CDH13: variants seen among roughly 807,000 people sequenced by gnomAD.
CDH13 encodes cadherin-13.
Under a neutral mutation model 63.8 loss-of-function variants are expected in CDH13, and 24 were observed. That is an observed-to-expected ratio of 0.38 (90% CI 0.27 to 0.53). The LOEUF (loss-of-function observed/expected upper bound fraction) is 0.53, where lower values mean the gene tolerates loss of function less well. Among genes scored for constraint, CDH13 ranks in the 20% least tolerant of loss-of-function variants. The pLI, the probability that CDH13 is intolerant of heterozygous loss-of-function variation, is 0.85. For synonymous variants in CDH13, 503 were observed against 355.3 expected, an observed-to-expected ratio of 1.42 and a Z score of -4.67; for missense variants, 1,049 against 903.1, an observed-to-expected ratio of 1.16 and a Z score of -2.07.
At chr16:83,129,562 G>C (rs114370051) in intron 4 of CDH13, among the ~76,000 whole-genome samples, 2 of 152,300 alleles carry the variant, frequency 1.3e-5, no homozygotes, top group African/African-American at 4.8e-5. Flanking sequence ...GGAACACACT[G>C]TCAGCGTTAC....
intron 3 of CDH13, among the ~76,000 whole-genome samples, chr16:83,066,874 G>T (rs1371837262): frequency 1.3e-5 from 2 of 152,160 alleles, no homozygotes; most frequent in African/African-American, 4.8e-5. Context: ...TGAAGTGTTG[G>T]TTAGAGTGAG....
chr16:82,667,710 C>G (rs1253355409), intron 1 of CDH13, among the ~76,000 whole-genome samples: 1 of 152,052 alleles, frequency 6.6e-6, no homozygotes, highest in African/African-American at 2.4e-5. Context: ...TTGGTGCAGT[C>G]TTGAAAGCGC....
chr16:82,676,008 T>C (rs1597291672), intron 1 of CDH13, among the ~76,000 whole-genome samples: 1 of 152,212 alleles, frequency 6.6e-6, no homozygotes, highest in East Asian at 1.9e-4. Flanking sequence ...TGTTTTATTG[T>C]TCAAAGGACA....
intron 3 of CDH13, among the ~76,000 whole-genome samples, chr16:83,087,209 A>G (rs2033645862): frequency 6.6e-6 from 1 of 152,194 alleles, no homozygotes; most frequent in African/African-American, 2.4e-5. Flanking sequence ...GCCATGTAGG[A>G]AACTGATCAA....
chr16:82,825,619 C>T (rs1387537310), intron 1 of CDH13: 1 of 150,664 alleles, frequency 6.6e-6, no homozygotes, highest in Non-Finnish European at 1.5e-5. Flanking sequence ...GATCTTGGCT[C>T]ACTGCAACCT....
intron 8 of CDH13, among the ~76,000 whole-genome samples, chr16:83,637,497 G>A (rs1354926096): frequency 2.8e-5 from 2 of 71,584 alleles, no homozygotes; most frequent in African/African-American, 5.8e-5. Context: ...TTCCCTTTCC[G>A]AGTCAAAGAA....
At chr16:82,698,382 A>C (rs1032801878) in intron 1 of CDH13, among the ~76,000 whole-genome samples, 9 of 152,218 alleles carry the variant, frequency 5.9e-5, no homozygotes, top group African/African-American at 2.2e-4. Flanking sequence ...AAAGGAAGAG[A>C]ATGTATCAGG....
In CDH13 at chr16:82,978,665, C is replaced by A. The variant is rs145267487; in HGVS notation, c.158-53345C>A. Among the ~76,000 whole-genome samples the A allele has an allele frequency of 2.6e-5, 4 of 152,358 alleles. No individual in the cohort carries two copies. In the East Asian group the frequency reaches 7.7e-4, roughly 29 times the overall value. On this transcript the variant is annotated intron_variant, in intron 2 of 13. Transcript: ENST00000567109. ...AAGTCAGTAATTGAGGTTTGGGAAC[C>A]TCTGTCTAGATTTCAGAGGATGTGT...
intron 2 of CDH13, among the ~76,000 whole-genome samples, chr16:82,934,609 T>C (rs1289515732): frequency 6.6e-6 from 1 of 152,196 alleles, no homozygotes; most frequent in East Asian, 1.9e-4. Context: ...CATTGTCAGG[T>C]TGCAAATTTT....
At chr16:83,105,281 T>C (rs1257485728) in intron 3 of CDH13, among the ~76,000 whole-genome samples, 2 of 152,234 alleles carry the variant, frequency 1.3e-5, no homozygotes, top group African/African-American at 2.4e-5. Flanking sequence ...GTTTTGTATT[T>C]GATACAAAGT....
intron 11 of CDH13, among the ~76,000 whole-genome samples, chr16:83,766,957 C>A (rs1002658740): frequency 1.2e-4 from 19 of 152,154 alleles, no homozygotes; most frequent in African/African-American, 4.6e-4. Context: ...TGTCTTCTGC[C>A]ATGATTGTAA....
At chr16:83,618,938 A>T (rs1395668178) in intron 8 of CDH13, among the ~76,000 whole-genome samples, 1 of 152,198 alleles carries the variant, frequency 6.6e-6, no homozygotes, top group Non-Finnish European at 1.5e-5. Flanking sequence ...ATTTCTTTGC[A>T]AACTACTATC....
chr16:83,690,417 G>T (rs905233882), intron 10 of CDH13, among the ~76,000 whole-genome samples: 2 of 152,152 alleles, frequency 1.3e-5, no homozygotes. Flanking sequence ...CAGCTATCCC[G>T]GGTGGAGAGG....
At chr16:83,648,145 C>T (rs537823144) in intron 8 of CDH13, among the ~76,000 whole-genome samples, 10 of 152,224 alleles carry the variant, frequency 6.6e-5, no homozygotes, top group African/African-American at 1.9e-4. Context: ...CAAAGCCATA[C>T]CTTGGAAGGA....
intron 4 of CDH13, among the ~76,000 whole-genome samples, chr16:83,182,017 A>C (rs2038364230): frequency 6.6e-6 from 1 of 152,160 alleles, no homozygotes. Context: ...ACCTGTGGCA[A>C]AGTGCTATTG....
At chr16:83,184,079 C>G (rs970932335) in intron 4 of CDH13, among the ~76,000 whole-genome samples, 1 of 134,058 alleles carries the variant, frequency 7.5e-6, no homozygotes, top group African/African-American at 2.8e-5. Flanking sequence ...CTCATAGCCT[C>G]TAGAGGTTAA....
intron 6 of CDH13, among the ~76,000 whole-genome samples, chr16:83,367,247 C>G (rs2091275944): frequency 6.6e-6 from 1 of 152,156 alleles, no homozygotes; most frequent in African/African-American, 2.4e-5. Context: ...TGTGTGTCTT[C>G]TTTCACTCAG....
At chr16:83,670,763 G>T in intron 8 of CDH13, 27 bp from the exon 9 acceptor site, 1 of 1,610,018 alleles carries the variant, frequency 6.2e-7, no homozygotes, top group Non-Finnish European at 8.5e-7. Context: ...TCAAAATAGT[G>T]ACCATTACCA....
intron 1 of CDH13, among the ~76,000 whole-genome samples, chr16:82,671,835 C>G (rs1913280258): frequency 6.6e-6 from 1 of 152,154 alleles, no homozygotes; most frequent in African/African-American, 2.4e-5. Context: ...AAGAGAAACA[C>G]CATGGGGCAG....
Sources: allele counts gnomAD v4.1 joint callset (sites outside exome capture counted in the v4.1 genomes callset), GRCh38; gene constraint gnomAD v4.1.1; transcripts MANE v1.5; gene names NCBI Gene and HGNC (gene_info 2026-07-23, HGNC 2026-07-21).